TTC6: variants seen among roughly 807,000 people sequenced by gnomAD.
TTC6 encodes tetratricopeptide repeat domain 6.
TTC6 carries 172 observed loss-of-function variants against 210.4 expected under a neutral mutation model. The observed-to-expected ratio is 0.82, with a 90% CI of 0.72 to 0.93. The LOEUF is 0.93. Among genes scored for constraint, TTC6 ranks in the 40% least tolerant of loss-of-function variants. The pLI, the probability that TTC6 is intolerant of heterozygous loss-of-function variation, is 0.00. For synonymous variants in TTC6, 804 were observed against 819.6 expected, an observed-to-expected ratio of 0.98 and a Z score of 0.32; for missense variants, 2,414 against 2,318.1, an observed-to-expected ratio of 1.04 and a Z score of -0.85.
chr14:37,612,703 A>AT (rs1256045701), intron 2 of TTC6, among the ~76,000 whole-genome samples: 4 of 152,108 alleles, frequency 2.6e-5, no homozygotes, highest in African/African-American at 7.2e-5. Context: ...GATTTTGGAC[A>AT]TTTTTTGTCA....
chr14:37,790,762 G>A (rs1383179408), exon 16 of TTC6: 12 of 1,534,388 alleles, frequency 7.8e-6, no homozygotes, highest in Admixed American at 3.9e-5. Flanking sequence ...TTTCTACATC[G>A]GGGAATAGTC....
chr14:37,767,975 G>A (rs1264619272), intron 14 of TTC6, among the ~76,000 whole-genome samples: 2 of 147,958 alleles, frequency 1.4e-5, no homozygotes, highest in Non-Finnish European at 3.0e-5. Flanking sequence ...ATTGATTTTT[G>A]TATAAGGTGT....
chr14:37,812,473 T>C (rs374747399), intron 25 of TTC6, 40 bp downstream of exon 27: 68 of 1,522,152 alleles, frequency 4.5e-5, no homozygotes, highest in African/African-American at 7.0e-5. Context: ...ATTTTGCACA[T>C]TGACTTCTGA....
At chr14:37,639,935 A>G (rs2095688612) in intron 1 of TTC6, among the ~76,000 whole-genome samples, 1 of 149,966 alleles carries the variant, frequency 6.7e-6, no homozygotes, top group Non-Finnish European at 1.5e-5. Flanking sequence ...ATATATCTAT[A>G]TATCTATATA....
At chr14:37,761,834 A>G (rs965153188) in intron 14 of TTC6, among the ~76,000 whole-genome samples, 3 of 152,116 alleles carry the variant, frequency 2.0e-5, no homozygotes, top group Middle Eastern at 3.2e-3. Context: ...CTTCATATTT[A>G]TGGGATACAA....
chr14:37,658,982 C>T (rs1355235080), intron 1 of TTC6, among the ~76,000 whole-genome samples: 1 of 152,068 alleles, frequency 6.6e-6, no homozygotes, highest in African/African-American at 2.4e-5. Flanking sequence ...CCATGAGTTC[C>T]TTCCTTTGTG....
At chr14:37,815,155 A>T (rs1303987225) in intron 25 of TTC6, among the ~76,000 whole-genome samples, 1 of 152,198 alleles carries the variant, frequency 6.6e-6, no homozygotes, top group Non-Finnish European at 1.5e-5. Flanking sequence ...AGGCACCTCA[A>T]ACTGCCATTC....
intron 29 of TTC6, among the ~76,000 whole-genome samples, chr14:37,841,177 C>T (rs1380359945): frequency 6.6e-6 from 1 of 152,230 alleles, no homozygotes; most frequent in African/African-American, 2.4e-5. Context: ...CCAGTGGGAG[C>T]ATTTTAACCC....
At chr14:37,797,188 G>A (rs1430739973) in intron 20 of TTC6, among the ~76,000 whole-genome samples, 1 of 151,960 alleles carries the variant, frequency 6.6e-6, no homozygotes, top group Non-Finnish European at 1.5e-5. Context: ...ATTTCAAGGA[G>A]TGCAATTGGT....
chr14:37,704,177 C>A (rs1248509441), intron 5 of TTC6, among the ~76,000 whole-genome samples: 1 of 152,110 alleles, frequency 6.6e-6, no homozygotes, highest in African/African-American at 2.4e-5. Context: ...ACCTTGAACT[C>A]CTGGGCTCCT....
At chr14:37,825,404 TG>T (rs2096168471) in intron 27 of TTC6, among the ~76,000 whole-genome samples, 1 of 152,116 alleles carries the variant, frequency 6.6e-6, no homozygotes, top group Non-Finnish European at 1.5e-5. Context: ...TACTTTTATA[TG>T]AGAGTCCCTA....
chr14:37,699,465 GAAGT>G (rs1566896382), intron 4 of TTC6, among the ~76,000 whole-genome samples: 1 of 152,228 alleles, frequency 6.6e-6, no homozygotes, highest in Admixed American at 6.5e-5. Flanking sequence ...CACTATGCTA[GAAGT>G]AAGTCCAAAG....
At chr14:37,796,440 T>C (rs1356444459) in intron 19 of TTC6, 70 bp downstream of exon 21, 4 of 662,650 alleles carry the variant, frequency 6.0e-6, no homozygotes, top group Admixed American at 6.6e-5. Context: ...GCAATAGTTA[T>C]GTATAAATAG....
intron 1 of TTC6, among the ~76,000 whole-genome samples, chr14:37,632,474 G>C (rs1327179304): frequency 6.6e-6 from 1 of 152,220 alleles, no homozygotes; most frequent in Non-Finnish European, 1.5e-5. Context: ...ATTGCTGCCT[G>C]TTCCTTCCTC....
At chr14:37,720,113 G>C (rs1437903301) in intron 6 of TTC6, among the ~76,000 whole-genome samples, 2 of 151,970 alleles carry the variant, frequency 1.3e-5, no homozygotes, top group Non-Finnish European at 2.9e-5. Context: ...TAGCTATTAG[G>C]GAAATGCAAA....
chr14:37,601,084 A>C (rs1383329455), intron 1 of TTC6, among the ~76,000 whole-genome samples: 1 of 152,156 alleles, frequency 6.6e-6, no homozygotes, highest in Non-Finnish European at 1.5e-5. Flanking sequence ...GCCTACCAGA[A>C]TCATGGATCA....
intron 1 of TTC6, among the ~76,000 whole-genome samples, chr14:37,604,477 G>A (rs1484219946): frequency 2.0e-5 from 3 of 152,094 alleles, no homozygotes; most frequent in African/African-American, 7.2e-5. Context: ...AGAGAGGGAG[G>A]ATGCCTCCCC....
chr14:37,812,305 T>C lies in TTC6; in HGVS notation c.4570-9T>C. ...AAGTTGAATCTATGTTACAAATGAT[T>C]ATTTTTAGGCATTAACAGATTATGG... On this transcript the variant is annotated splice_polypyrimidine_tract_variant and intron_variant, in intron 24 of 30. Transcript: ENST00000553443. 6.2e-7 allele frequency: 1 copy of C among 1,607,990 alleles called. No homozygotes were observed. Among genetic ancestry groups the C allele is most frequent in the South Asian group, 1.1e-5 (1 of 89,662 alleles).
At chr14:37,824,719 T>A (rs2096166389) in intron 27 of TTC6, among the ~76,000 whole-genome samples, 1 of 152,078 alleles carries the variant, frequency 6.6e-6, no homozygotes, top group African/African-American at 2.4e-5. Context: ...AACCTAGCTT[T>A]GTTTGAGAGG....
Sources: allele counts gnomAD v4.1 joint callset (sites outside exome capture counted in the v4.1 genomes callset), GRCh38; gene constraint gnomAD v4.1.1; transcripts MANE v1.5; gene names NCBI Gene and HGNC (gene_info 2026-07-23, HGNC 2026-07-21).